NELL1: variants seen among roughly 807,000 people sequenced by gnomAD.
NELL1 encodes the protein neural EGFL like 1.
A neutral mutation model predicts 107.4 loss-of-function variants in NELL1; 76 were observed. The observed-to-expected ratio is 0.71, with a 90% CI of 0.59 to 0.86. NELL1 has a LOEUF of 0.86. NELL1 is among the 40% of genes least tolerant of loss of function. NELL1 has a pLI of 0.00. For missense variants in NELL1, 1,024 were observed against 1,005.5 expected, an observed-to-expected ratio of 1.02 and a Z score of -0.25; for synonymous variants, 353 against 341.2, an observed-to-expected ratio of 1.03 and a Z score of -0.38.
At chr11:21,445,524 G>A (rs1853404577) in intron 15 of NELL1, among the ~76,000 whole-genome samples, 1 of 151,944 alleles carries the variant, frequency 6.6e-6, no homozygotes, top group African/African-American at 2.4e-5. Context: ...TAGTAGATGT[G>A]TGTTTTCTCC....
chr11:20,881,331 A>T (rs1327055531), intron 4 of NELL1, among the ~76,000 whole-genome samples: 3 of 152,142 alleles, frequency 2.0e-5, no homozygotes, highest in African/African-American at 7.2e-5. Context: ...TAACTCTTTG[A>T]TAAATAGTAG....
intron 14 of NELL1, among the ~76,000 whole-genome samples, chr11:21,272,202 C>A (rs192278161): frequency 6.6e-6 from 1 of 152,306 alleles, no homozygotes; most frequent in African/African-American, 2.4e-5. Flanking sequence ...TCACTCCCAC[C>A]CTAATACTGC....
chr11:21,414,361 A>G (rs1396845539), intron 15 of NELL1, among the ~76,000 whole-genome samples: 1 of 151,930 alleles, frequency 6.6e-6, no homozygotes, highest in Non-Finnish European at 1.5e-5. Context: ...GCATTTTTGG[A>G]AGTTAATGGA....
At chr11:21,510,538 G>A (rs4512813) in intron 15 of NELL1, among the ~76,000 whole-genome samples, 5 of 151,978 alleles carry the variant, frequency 3.3e-5, no homozygotes, top group African/African-American at 1.2e-4. Context: ...TACAATGTGG[G>A]GGAACAAATG....
intron 2 of NELL1, among the ~76,000 whole-genome samples, chr11:20,732,412 G>T (rs900043383): frequency 1.3e-5 from 2 of 152,198 alleles, no homozygotes; most frequent in Middle Eastern, 6.8e-3. Context: ...ATAGTTTGGG[G>T]TCCTACTGTT....
chr11:20,722,500 A>G (rs1855415661), intron 2 of NELL1, among the ~76,000 whole-genome samples: 1 of 152,228 alleles, frequency 6.6e-6, no homozygotes, highest in South Asian at 2.1e-4. Context: ...TAGGGTTATT[A>G]CAGGATTTAG....
chr11:20,728,924 C>T (rs944841021), intron 2 of NELL1, among the ~76,000 whole-genome samples: 8 of 152,096 alleles, frequency 5.3e-5, no homozygotes, highest in Non-Finnish European at 1.2e-4. Context: ...GATGTTGATT[C>T]TTGCAATCCA....
At chr11:21,033,558 G>A (rs1853013847) in intron 12 of NELL1, among the ~76,000 whole-genome samples, 1 of 151,800 alleles carries the variant, frequency 6.6e-6, no homozygotes, top group African/African-American at 2.4e-5. Context: ...CTTTGCCAAG[G>A]ACATGATATC....
At chr11:20,932,203 A>G (rs1397990140) in intron 9 of NELL1, among the ~76,000 whole-genome samples, 1 of 151,916 alleles carries the variant, frequency 6.6e-6, no homozygotes, top group Non-Finnish European at 1.5e-5. Context: ...GGAGGTTTCC[A>G]GGGCTCCACC....
chr11:20,987,976 C>T (rs1462817779), intron 12 of NELL1, among the ~76,000 whole-genome samples: 1 of 152,086 alleles, frequency 6.6e-6, no homozygotes, highest in East Asian at 1.9e-4. Flanking sequence ...AGAAAACTAA[C>T]ACAAAAAACA....
chr11:21,065,188 A>G (rs1160479006), intron 12 of NELL1, among the ~76,000 whole-genome samples: 1 of 152,086 alleles, frequency 6.6e-6, no homozygotes, highest in African/African-American at 2.4e-5. Flanking sequence ...GACTCTGGAT[A>G]CCCCGAGAAC....
At chr11:21,227,853 C>T (rs1333685339) in intron 13 of NELL1, among the ~76,000 whole-genome samples, 1 of 152,112 alleles carries the variant, frequency 6.6e-6, no homozygotes, top group African/African-American at 2.4e-5. Flanking sequence ...TGTGCCCTAC[C>T]TCTGTTGTGT....
At chr11:21,163,375 G>C (rs12800219) in intron 13 of NELL1, among the ~76,000 whole-genome samples, 1 of 152,150 alleles carries the variant, frequency 6.6e-6, no homozygotes, top group Non-Finnish European at 1.5e-5. Context: ...GTTTTAAAAA[G>C]CTTTTAGAAT....
intron 2 of NELL1, among the ~76,000 whole-genome samples, chr11:20,717,790 G>GT (rs1417723738): frequency 3.3e-5 from 5 of 151,682 alleles, no homozygotes; most frequent in African/African-American, 9.7e-5. Flanking sequence ...TTTAATTTTT[G>GT]TCCCCCAGTA....
At chr11:21,417,813 A>G (rs887662140) in intron 15 of NELL1, among the ~76,000 whole-genome samples, 4 of 151,940 alleles carry the variant, frequency 2.6e-5, no homozygotes, top group African/African-American at 9.7e-5. Flanking sequence ...TTCACTCCCT[A>G]TTAGTCGCAC....
intron 3 of NELL1, among the ~76,000 whole-genome samples, chr11:20,813,954 A>T (rs1385442449): frequency 6.6e-6 from 1 of 151,550 alleles, no homozygotes; most frequent in Non-Finnish European, 1.5e-5. Context: ...TTATTAATTT[A>T]ATTTATTTAT....
chr11:21,271,700 A>G lies in NELL1; in HGVS notation c.1549+42246A>G, dbSNP rs1478301107. Among the ~76,000 whole-genome samples the G allele has an allele frequency of 2.6e-5, 4 of 152,222 alleles. No individual in the cohort carries two copies. The East Asian group carries it at 7.7e-4, about 29-fold the overall frequency. ...AGAAAACTATAGCCTGGTATTTCTC[A>G]TGAACATAGATGCAAAAATTCTCAA... On this transcript the variant is annotated intron_variant, in intron 14 of 19. Transcript: ENST00000357134.
chr11:21,287,838 T>C (rs1849158924), intron 14 of NELL1, among the ~76,000 whole-genome samples: 2 of 151,996 alleles, frequency 1.3e-5, no homozygotes, highest in South Asian at 4.2e-4. Context: ...CTGATTGTGA[T>C]TACATGTTTT....
intron 3 of NELL1, among the ~76,000 whole-genome samples, chr11:20,823,886 C>G (rs1156806435): frequency 2.0e-5 from 3 of 151,336 alleles, no homozygotes; most frequent in Middle Eastern, 3.4e-3. Context: ...GGTTAGGATA[C>G]AGGAGTGACT....
Sources: gnomAD v4.1 joint callset for allele counts (sites outside exome capture counted in the v4.1 genomes callset) on GRCh38, gnomAD v4.1.1 for gene constraint, MANE v1.5 for transcripts, NCBI Gene and HGNC (gene_info 2026-07-23, HGNC 2026-07-21) for gene names.